PI4KA: variants seen among roughly 807,000 people sequenced by gnomAD.
PI4KA encodes the protein phosphatidylinositol 4-kinase alpha.
In PI4KA, 122 loss-of-function variants were observed where a neutral mutation model predicts 271.4. That is an observed-to-expected ratio of 0.45 (90% CI 0.39 to 0.52). The LOEUF is 0.52. Ranked by LOEUF, PI4KA falls within the 20% of genes least tolerant of loss-of-function variation. The probability of loss-of-function intolerance (pLI) is 0.00; values close to 1 mark genes in which losing one functional copy is unlikely to be tolerated. For synonymous variants in PI4KA, 1,041 were observed against 1,078.8 expected (o/e 0.96, Z 0.69); for missense variants, 1,969 against 2,769.1 (o/e 0.71, Z 6.48).
intron 26 of PI4KA, 126 bp downstream of exon 26, chr22:20,751,548 C>T: frequency 1.0e-6 from 1 of 984,688 alleles, no homozygotes; most frequent in South Asian, 1.4e-5. Flanking sequence ...CAACTCGACA[C>T]CTGTAGCATT....
chr22:20,827,966 T>C lies in PI4KA; in HGVS notation c.368-3552A>G, dbSNP rs189583847. Reference sequence around the variant, plus strand: ...TGCACTACCATGCCCAGCTAATTTTTGTGTTTTTAGCAGAGATGGGTTTCA... The same window carrying C: ...TGCACTACCATGCCCAGCTAATTTTCGTGTTTTTAGCAGAGATGGGTTTCA... On this transcript the variant is annotated intron_variant, in intron 3 of 54. Coordinates refer to ENST00000255882, the MANE Select transcript of PI4KA (RefSeq NM_058004.4). Among the ~76,000 whole-genome samples, 10 of 152,252 alleles carry C rather than the reference T, an allele frequency of 6.6e-5. No homozygotes were observed. The East Asian group carries it at 1.4e-3, about 21-fold the overall frequency.
chr22:20,830,633 T>C (rs1203694924), intron 3 of PI4KA, among the ~76,000 whole-genome samples: 1 of 152,216 alleles, frequency 6.6e-6, no homozygotes, highest in Non-Finnish European at 1.5e-5. Flanking sequence ...GGATATTTAG[T>C]CCATTTACAT....
At chr22:20,799,882 T>TC in intron 14 of PI4KA, 116 bp from the exon 15 acceptor site, 1 of 626,048 alleles carries the variant, frequency 1.6e-6, no homozygotes, top group Non-Finnish European at 2.7e-6. Context: ...TGAATTTTCT[T>TC]CCCCCCAAAT....
At chr22:20,841,013 A>G (rs532833158) in intron 1 of PI4KA, among the ~76,000 whole-genome samples, 4 of 152,324 alleles carry the variant, frequency 2.6e-5, no homozygotes, top group Middle Eastern at 3.4e-3. Context: ...AGTCAACACA[A>G]GATACAAGTC....
chr22:20,754,639 T>G (rs1931073453), intron 23 of PI4KA, among the ~76,000 whole-genome samples: 1 of 152,190 alleles, frequency 6.6e-6, no homozygotes, highest in South Asian at 2.1e-4. Context: ...TCTATTTCCC[T>G]CAATTCTTTC....
chr22:20,720,812 A>T (rs1926649296), intron 43 of PI4KA, among the ~76,000 whole-genome samples: 1 of 152,234 alleles, frequency 6.6e-6, no homozygotes, highest in African/African-American at 2.4e-5. Context: ...TTATATTAAC[A>T]TGTAATGAAT....
chr22:20,854,400 C>A (rs191993031), intron 1 of PI4KA, among the ~76,000 whole-genome samples: 1 of 152,054 alleles, frequency 6.6e-6, no homozygotes, highest in Non-Finnish European at 1.5e-5. Context: ...GGATTACAGG[C>A]GTGAGTCACT....
chr22:20,795,179 CTT>C (rs1448878415), intron 18 of PI4KA, among the ~76,000 whole-genome samples: 1 of 151,968 alleles, frequency 6.6e-6, no homozygotes, highest in Non-Finnish European at 1.5e-5. Flanking sequence ...GTACCCCCGA[CTT>C]TTTCTTTTTT....
intron 18 of PI4KA, among the ~76,000 whole-genome samples, chr22:20,794,828 C>A (rs1474013587): frequency 6.6e-6 from 1 of 152,198 alleles, no homozygotes; most frequent in Non-Finnish European, 1.5e-5. Flanking sequence ...AACCCAACAC[C>A]TGTTCTTGCA....
intron 52 of PI4KA, chr22:20,710,427 G>A (rs1468463136): frequency 1.4e-5 from 8 of 559,956 alleles, no homozygotes; most frequent in Admixed American, 3.1e-5. Flanking sequence ...TCAGGCTTTG[G>A]TGACAGGGTG....
At position 20,824,246 on chromosome 22, in the gene PI4KA, G is replaced by A. The variant is rs936539695; in HGVS notation, c.456+80C>T. On this transcript the variant is annotated intron_variant, in intron 4 of 54. Coordinates refer to ENST00000255882, the MANE Select transcript of PI4KA (RefSeq NM_058004.4). ...AACAAACAATTCAATCACATTTCAC[G>A]TTTTTAAAATCTTTTCATCACTTTG... 20 of 909,092 alleles carry A rather than the reference G, an allele frequency of 2.2e-5. No individual in the cohort carries two copies. The African/African-American group carries it at 2.4e-4, about 11-fold the overall frequency. The allele number at this position is 909,092 out of a possible 1,614,324, so 56.3% of individuals were successfully genotyped here.
chr22:20,825,670 C>T (rs1357138892), intron 3 of PI4KA, among the ~76,000 whole-genome samples: 2 of 152,128 alleles, frequency 1.3e-5, no homozygotes, highest in African/African-American at 4.8e-5. Flanking sequence ...CAGTTTTAGG[C>T]ATGTTACCAG....
intron 50 of PI4KA, among the ~76,000 whole-genome samples, chr22:20,712,062 GTT>G (rs1312900074): frequency 4.0e-5 from 5 of 125,120 alleles, no homozygotes; most frequent in Non-Finnish European, 1.7e-5. Context: ...GTTTTTTTGT[GTT>G]TTTTTTTTTT....
At chr22:20,852,043 G>A (rs1927047720) in intron 1 of PI4KA, among the ~76,000 whole-genome samples, 1 of 152,182 alleles carries the variant, frequency 6.6e-6, no homozygotes, top group Non-Finnish European at 1.5e-5. Flanking sequence ...AGAATGGCAT[G>A]AACCCAGGAG....
At chr22:20,814,603 C>T (rs1029354819) in intron 7 of PI4KA, among the ~76,000 whole-genome samples, 1 of 150,178 alleles carries the variant, frequency 6.7e-6, no homozygotes, top group African/African-American at 2.5e-5. Context: ...TAAAAATTAG[C>T]CGGATACAGC....
intron 4 of PI4KA, among the ~76,000 whole-genome samples, chr22:20,821,401 G>A (rs1341771920): frequency 1.3e-5 from 2 of 151,620 alleles, no homozygotes; most frequent in African/African-American, 4.8e-5. Flanking sequence ...TGTATTTTTA[G>A]TACAGACAGG....
chr22:20,822,717 G>C (rs970027696), intron 4 of PI4KA, among the ~76,000 whole-genome samples: 1 of 152,176 alleles, frequency 6.6e-6, no homozygotes, highest in African/African-American at 2.4e-5. Context: ...AAAGGTGCTT[G>C]TCCAAAGCAT....
chr22:20,853,310 G>C (rs1021196005), intron 1 of PI4KA, among the ~76,000 whole-genome samples: 1 of 152,038 alleles, frequency 6.6e-6, no homozygotes, highest in African/African-American at 2.4e-5. Context: ...ATAGAGGAGA[G>C]ACACAAACAG....
chr22:20,770,943 G>C (rs987635066), intron 19 of PI4KA, among the ~76,000 whole-genome samples: 1 of 152,162 alleles, frequency 6.6e-6, no homozygotes, highest in African/African-American at 2.4e-5. Context: ...TCTTTGGGAG[G>C]CCAAGGTGGG....
Sources: gnomAD v4.1 joint callset for allele counts (sites outside exome capture counted in the v4.1 genomes callset) on GRCh38, gnomAD v4.1.1 for gene constraint, MANE v1.5 for transcripts, NCBI Gene and HGNC (gene_info 2026-07-23, HGNC 2026-07-21) for gene names.